The following NIPAL2 variants were observed in gnomAD, a reference collection of about 807,000 sequenced individuals.
NIPAL2 encodes the protein NIPA-like protein 2.
Under a neutral mutation model 48.9 loss-of-function variants are expected in NIPAL2, and 43 were observed. That is an observed-to-expected ratio of 0.88 (90% confidence interval 0.69 to 1.13). The LOEUF is 1.13. Among genes scored for constraint, NIPAL2 ranks in the 50% most tolerant of loss-of-function variants. NIPAL2 has a pLI of 0.00. For synonymous variants in NIPAL2, 167 were observed against 174.6 expected, an observed-to-expected ratio of 0.96 and a Z score of 0.34; for missense variants, 446 against 461.4, an observed-to-expected ratio of 0.97 and a Z score of 0.31.
chr8:98,275,408 C>T (rs1815403000), intron 1 of NIPAL2, among the ~76,000 whole-genome samples: 1 of 152,084 alleles, frequency 6.6e-6, no homozygotes, highest in Admixed American at 6.6e-5. Context: ...GCATAATTTC[C>T]CTGAGTCTCA....
chr8:98,191,426 A>G lies in NIPAL2; in HGVS notation c.*1552T>C, dbSNP rs1167262061. 1 of 152,172 alleles carries G rather than the reference A, an allele frequency of 6.6e-6. No individual in the cohort carries two copies. The highest frequency in any genetic ancestry group is 6.5e-5 in the Admixed American group (1 of 15,278). 9.4% of individuals were successfully genotyped at this position (152,172 alleles called of 1,614,324 possible). On this transcript the variant is annotated 3_prime_UTR_variant, in exon 11 of 11. Coordinates refer to ENST00000430223, the MANE Select transcript of NIPAL2 (RefSeq NM_001321635.2). ...ATTACCAGGAGTTTAGGAGCCAGACATGGGTTCTGTATTTTTCATACATTG... is the reference window on the plus strand; with the variant it reads ...ATTACCAGGAGTTTAGGAGCCAGACGTGGGTTCTGTATTTTTCATACATTG...
At chr8:98,225,313 G>A (rs1007917641) in intron 4 of NIPAL2, among the ~76,000 whole-genome samples, 6 of 152,188 alleles carry the variant, frequency 3.9e-5, no homozygotes, top group African/African-American at 1.4e-4. Flanking sequence ...TTTTTCATAA[G>A]TGTTTAGAAG....
intron 3 of NIPAL2, among the ~76,000 whole-genome samples, chr8:98,245,392 G>A (rs896973764): frequency 6.6e-6 from 1 of 152,130 alleles, no homozygotes; most frequent in East Asian, 1.9e-4. Context: ...TTTGAAAAAT[G>A]TCATCTTACA....
intron 1 of NIPAL2, among the ~76,000 whole-genome samples, chr8:98,273,104 A>G (rs1329205509): frequency 6.6e-6 from 1 of 152,240 alleles, no homozygotes; most frequent in African/African-American, 2.4e-5. Context: ...CCCAAAGTGG[A>G]AATGACCAAA....
intron 1 of NIPAL2, among the ~76,000 whole-genome samples, chr8:98,283,979 G>A (rs553431220): frequency 6.6e-6 from 1 of 152,158 alleles, no homozygotes; most frequent in Non-Finnish European, 1.5e-5. Flanking sequence ...AAGTTCAAGT[G>A]TGCTATACCC....
intron 5 of NIPAL2, chr8:98,217,346 T>TGTC: frequency 4.1e-6 from 4 of 979,572 alleles, no homozygotes; most frequent in Non-Finnish European, 4.8e-6. Flanking sequence ...GCCGCACTAT[T>TGTC]ATGATTCCTT....
intron 1 of NIPAL2, among the ~76,000 whole-genome samples, chr8:98,276,378 G>T (rs913107864): frequency 6.6e-6 from 1 of 152,164 alleles, no homozygotes; most frequent in Admixed American, 6.5e-5. Flanking sequence ...TTTTTGCTTA[G>T]TAATATGCAT....
chr8:98,275,300 A>G (rs375234657), intron 1 of NIPAL2, among the ~76,000 whole-genome samples: 1 of 152,146 alleles, frequency 6.6e-6, no homozygotes, highest in East Asian at 1.9e-4. Context: ...ACCAACCACA[A>G]TCCAATCCAT....
At chr8:98,250,369 A>G (rs1813525504) in intron 3 of NIPAL2, among the ~76,000 whole-genome samples, 1 of 152,168 alleles carries the variant, frequency 6.6e-6, no homozygotes. Context: ...CAAATTCTCT[A>G]GAGTTTCTAG....
chr8:98,245,236 G>C (rs1461310462), intron 3 of NIPAL2, among the ~76,000 whole-genome samples: 1 of 152,210 alleles, frequency 6.6e-6, no homozygotes, highest in Non-Finnish European at 1.5e-5. Flanking sequence ...CATCGAGCGT[G>C]CTCACAGGCA....
At chr8:98,262,947 T>A in intron 1 of NIPAL2, among the ~76,000 whole-genome samples, 1 of 149,506 alleles carries the variant, frequency 6.7e-6, no homozygotes, top group Non-Finnish European at 1.5e-5. Context: ...CACAGTGCAA[T>A]CAAACTAGAA....
chr8:98,202,481 C>T (rs12547555), intron 8 of NIPAL2, among the ~76,000 whole-genome samples: 10,282 of 152,158 alleles, frequency 0.068, 457 homozygotes, highest in East Asian at 0.13. Context: ...GAGGGTGGAT[C>T]CTTCACGAAT....
chr8:98,222,704 C>A, intron 4 of NIPAL2, 104 bp from the exon 5 acceptor site: 4 of 1,120,552 alleles, frequency 3.6e-6, no homozygotes, highest in Non-Finnish European at 5.2e-6. Context: ...AAGTGCCAAT[C>A]GCCCCTCCCT....
At chr8:98,218,662 C>A (rs1184415239) in intron 5 of NIPAL2, among the ~76,000 whole-genome samples, 1 of 152,106 alleles carries the variant, frequency 6.6e-6, no homozygotes. Flanking sequence ...ATTGAGCAAC[C>A]AATACAAGTT....
rs779072648 is a variant in NIPAL2 at position 98,205,259 on chromosome 8, AC to A, written c.656-14del. The A allele has an allele frequency of 2.5e-6, 4 of 1,596,852 alleles. No homozygotes were observed. The African/African-American group carries it at 5.4e-5, about 22-fold the overall frequency. ...ACAGTCAATGAGGCTGAAAAAGAAAACAAAAAACACAAATAAAGAACATATT... is the reference window on the plus strand; with the variant it reads ...ACAGTCAATGAGGCTGAAAAAGAAAAAAAAAACACAAATAAAGAACATATT... On this transcript the variant is annotated splice_polypyrimidine_tract_variant and intron_variant, in intron 6 of 10. Transcript: ENST00000430223.
intron 3 of NIPAL2, chr8:98,252,246 A>T: frequency 4.2e-6 from 2 of 471,158 alleles, no homozygotes; most frequent in Non-Finnish European, 7.4e-6. Context: ...GCTTTCACAC[A>T]TAGGTGTTAG....
intron 1 of NIPAL2, among the ~76,000 whole-genome samples, chr8:98,289,677 T>C (rs987276106): frequency 5.3e-5 from 8 of 152,096 alleles, no homozygotes; most frequent in African/African-American, 1.9e-4. Context: ...ATACATCTCC[T>C]AGAAAATCTG....
At position 98,233,934 on chromosome 8, in the gene NIPAL2, A is replaced by T. The variant is rs567065267; in HGVS notation, c.436+2221T>A. On this transcript the variant is annotated intron_variant, in intron 4 of 10. Transcript: ENST00000430223. Reference sequence around the variant, plus strand: ...ATGCCTGTCCTGCCCAGCTGTCAGAACCAATTCAAATGTTATCTCTGCTGT... The same window carrying T: ...ATGCCTGTCCTGCCCAGCTGTCAGATCCAATTCAAATGTTATCTCTGCTGT... Among the ~76,000 whole-genome samples the T allele has an allele frequency of 4.9e-4, 74 of 152,308 alleles. 1 individual carries two copies. The South Asian group carries it at 0.014, about 28-fold the overall frequency.
chr8:98,289,418 G>T (rs943006023), intron 1 of NIPAL2, among the ~76,000 whole-genome samples: 1 of 151,928 alleles, frequency 6.6e-6, no homozygotes, highest in African/African-American at 2.4e-5. Context: ...CTCTAACAAG[G>T]GCCCCGGGGA....
Sources: gnomAD v4.1 joint callset for allele counts (sites outside exome capture counted in the v4.1 genomes callset) on GRCh38, gnomAD v4.1.1 for gene constraint, MANE v1.5 for transcripts, NCBI Gene and HGNC (gene_info 2026-07-23, HGNC 2026-07-21) for gene names.